ASPH: variants seen among roughly 807,000 people sequenced by gnomAD.
ASPH encodes aspartate beta-hydroxylase.
ASPH carries 100 observed loss-of-function variants against 118.4 expected under a neutral mutation model. The observed-to-expected ratio is 0.84, with a 90% CI of 0.72 to 1.00. The LOEUF is 1.00. ASPH is among the 50% of genes least tolerant of loss of function. ASPH has a pLI of 0.00. For missense variants in ASPH, 920 were observed against 919.5 expected (o/e 1.00, Z -0.01); for synonymous variants, 315 against 325.6 (o/e 0.97, Z 0.35).
chr8:61,637,472 C>T (rs1011111527), intron 12 of ASPH, among the ~76,000 whole-genome samples: 1 of 152,102 alleles, frequency 6.6e-6, no homozygotes, highest in Non-Finnish European at 1.5e-5. Flanking sequence ...ATTGAAGCGC[C>T]ACTGTTTAAT....
chr8:61,695,530 G>C lies in ASPH; in HGVS notation c.104-11342C>G, dbSNP rs1833720182. The stretch of plus-strand genomic sequence containing the variant: ...CATCACATACAACCCCCACACCCCA[G>C]CTATTGCCAGCTCACTCTGCTTACA... On this transcript the variant is annotated intron_variant, in intron 1 of 24. Transcript: ENST00000379454. Among the ~76,000 whole-genome samples the C allele has an allele frequency of 3.3e-5, 5 of 152,082 alleles. No homozygotes were observed. The South Asian group carries it at 1.0e-3, about 32-fold the overall frequency.
chr8:61,567,356 C>T, intron 16 of ASPH, 38 bp from the exon 17 acceptor site: 12 of 1,578,278 alleles, frequency 7.6e-6, no homozygotes, highest in Non-Finnish European at 9.5e-6. Flanking sequence ...TGTCCCATGA[C>T]TAGCTGTGTT....
intron 24 of ASPH, among the ~76,000 whole-genome samples, chr8:61,512,811 C>A (rs1809416748): frequency 6.6e-6 from 1 of 152,152 alleles, no homozygotes; most frequent in Admixed American, 6.5e-5. Context: ...TATATTATTA[C>A]TATCATCATT....
rs563781105 is a variant in ASPH, at chr8:61,518,454, G to A, written c.1901-331C>T. On this transcript the variant is annotated intron_variant, in intron 22 of 24. Transcript: ENST00000379454. ...GAATAACACAGGGATTAGGGGCTTC[G>A]ATCCTCCATGCATGTTAAGTTTTGA... 2.7e-3 allele frequency among the ~76,000 whole-genome samples: 412 copies of A among 152,162 alleles called. 5 individuals carry two copies. Among genetic ancestry groups the A allele is most frequent in the African/African-American group, 9.4e-3 (392 of 41,498 alleles).
intron 3 of ASPH, among the ~76,000 whole-genome samples, chr8:61,679,988 G>A (rs1827257595): frequency 6.7e-6 from 1 of 148,600 alleles, no homozygotes; most frequent in Non-Finnish European, 1.5e-5. Context: ...TCAACATTAG[G>A]AAGGTTTATT....
At chr8:61,615,830 A>C (rs1253275942) in intron 14 of ASPH, among the ~76,000 whole-genome samples, 1 of 152,196 alleles carries the variant, frequency 6.6e-6, no homozygotes, top group Non-Finnish European at 1.5e-5. Flanking sequence ...TATGAAACTA[A>C]AGTCTGATGA....
At chr8:61,584,676 C>CTT (rs986496566) in intron 14 of ASPH, among the ~76,000 whole-genome samples, 1 of 127,184 alleles carries the variant, frequency 7.9e-6, no homozygotes, top group Non-Finnish European at 1.7e-5. Flanking sequence ...TTCTTTTTTT[C>CTT]TTTTTTTTTT....
At chr8:61,706,892 G>C (rs1044035213) in intron 1 of ASPH, among the ~76,000 whole-genome samples, 1 of 152,166 alleles carries the variant, frequency 6.6e-6, no homozygotes, top group Non-Finnish European at 1.5e-5. Context: ...TCAACTAACA[G>C]TACAGGACAT....
intron 24 of ASPH, among the ~76,000 whole-genome samples, chr8:61,508,794 G>A (rs1274835908): frequency 1.3e-5 from 2 of 152,230 alleles, no homozygotes; most frequent in Non-Finnish European, 2.9e-5. Flanking sequence ...TGCTGAGGTG[G>A]CCTGCAAGGC....
chr8:61,665,556 A>T (rs762456027), intron 3 of ASPH: 1 of 1,589,534 alleles, frequency 6.3e-7, no homozygotes, highest in African/African-American at 1.4e-5. Flanking sequence ...TCCTTCCTTG[A>T]CTCAGGTTTC....
chr8:61,706,427 A>AAAGAAGAAG (rs1215822515), intron 1 of ASPH, among the ~76,000 whole-genome samples: 8 of 86,114 alleles, frequency 9.3e-5, no homozygotes, highest in Non-Finnish European at 1.7e-4. Flanking sequence ...AAAAAAAAAA[A>AAAGAAGAAG]AAGAAGAAGA....
At chr8:61,548,245 T>A in intron 20 of ASPH, 37 bp from the exon 21 acceptor site, 1 of 1,557,046 alleles carries the variant, frequency 6.4e-7, no homozygotes, top group South Asian at 1.2e-5. Context: ...AAACTGTTCC[T>A]TCAACAGAGC....
At chr8:61,666,132 T>C (rs1177949019) in intron 3 of ASPH, among the ~76,000 whole-genome samples, 1 of 152,196 alleles carries the variant, frequency 6.6e-6, no homozygotes, top group Non-Finnish European at 1.5e-5. Context: ...AAAATTGTCA[T>C]GTGTATGACA....
At chr8:61,566,745 A>G (rs1831834110) in intron 17 of ASPH, among the ~76,000 whole-genome samples, 1 of 152,234 alleles carries the variant, frequency 6.6e-6, no homozygotes. Flanking sequence ...CTCCATCAGC[A>G]AAAGGATTAC....
chr8:61,611,666 T>A (rs1847414420), intron 14 of ASPH, among the ~76,000 whole-genome samples: 1 of 152,192 alleles, frequency 6.6e-6, no homozygotes, highest in South Asian at 2.1e-4. Context: ...AGATAGTGAA[T>A]CCCAGAAGCA....
intron 15 of ASPH, among the ~76,000 whole-genome samples, chr8:61,580,450 G>T (rs1422385261): frequency 2.0e-5 from 3 of 152,186 alleles, no homozygotes; most frequent in Non-Finnish European, 4.4e-5. Context: ...CTGTGTACCT[G>T]CAGGCCCAGT....
chr8:61,588,549 T>C (rs190111494), intron 14 of ASPH, among the ~76,000 whole-genome samples: 2 of 152,306 alleles, frequency 1.3e-5, no homozygotes, highest in Admixed American at 1.3e-4. Flanking sequence ...AAACAGCAAT[T>C]TCTCCTACAA....
intron 3 of ASPH, among the ~76,000 whole-genome samples, chr8:61,677,757 G>A (rs1334142899): frequency 6.6e-6 from 1 of 152,054 alleles, no homozygotes; most frequent in Middle Eastern, 3.2e-3. Flanking sequence ...TCTTCTTCCT[G>A]CCTTAAAACA....
At position 61,601,015 on chromosome 8, in the gene ASPH, C is replaced by T. The variant is rs144186159; in HGVS notation, c.977-16986G>A. Among the ~76,000 whole-genome samples the T allele has an allele frequency of 1.6e-3, 243 of 151,288 alleles. 1 individual carries two copies. Among genetic ancestry groups the T allele is most frequent in the Middle Eastern group, 3.4e-3 (1 of 292 alleles). ...AATGATAAAGGGGATTATTTCATAA[C>T]GATAAATAAATCAATTCATTAAGAG... On this transcript the variant is annotated intron_variant, in intron 14 of 24. Coordinates refer to ENST00000379454, the MANE Select transcript of ASPH (RefSeq NM_004318.4).
Sources: allele counts gnomAD v4.1 joint callset (sites outside exome capture counted in the v4.1 genomes callset), GRCh38; gene constraint gnomAD v4.1.1; transcripts MANE v1.5; gene names NCBI Gene and HGNC (gene_info 2026-07-23, HGNC 2026-07-21).